The following GRB2 variants were observed in gnomAD, a reference collection of about 807,000 sequenced individuals.
GRB2 encodes growth factor receptor bound protein 2, also known as growth factor receptor-bound protein 2.
A neutral mutation model predicts 27.4 loss-of-function variants in GRB2; 2 were observed. That is an observed-to-expected ratio of 0.07 (90% CI 0.03 to 0.23). The LOEUF (loss-of-function observed/expected upper bound fraction) is 0.23. Ranked by LOEUF, GRB2 falls within the 10% of genes least tolerant of loss-of-function variation. The pLI is 1.00. For missense variants in GRB2, 102 were observed against 282.4 expected, an observed-to-expected ratio of 0.36 and a Z score of 4.58; for synonymous variants, 94 against 99.6, an observed-to-expected ratio of 0.94 and a Z score of 0.33.
intron 2 of GRB2, among the ~76,000 whole-genome samples, chr17:75,358,853 C>T (rs1020237273): frequency 3.8e-5 from 5 of 133,154 alleles, no homozygotes; most frequent in African/African-American, 1.4e-4. Flanking sequence ...CACTGCACTC[C>T]AGCATGGCGA....
rs1460644122 is a variant in GRB2 at position 75,320,305 on chromosome 17, G to T, written c.*63C>A. ...AGGCTGCTGTCAGAGGCAGCTTGTG[G>T]GTTTAATTCTTTTGTATGTGTTTTA... On this transcript the variant is annotated 3_prime_UTR_variant, in exon 6 of 6. Coordinates refer to ENST00000316804, the MANE Select transcript of GRB2 (RefSeq NM_002086.5). The surrounding 1 kb of genome is among the most constrained non-coding windows in gnomAD (Gnocchi z 4.3). 1 of 1,413,294 alleles carries T rather than the reference G, an allele frequency of 7.1e-7. No homozygotes were observed. Among genetic ancestry groups the T allele is most frequent in the South Asian group, 1.2e-5 (1 of 85,872 alleles). The allele number at this position is 1,413,294 out of a possible 1,614,324, so 87.5% of individuals were successfully genotyped here. A position where few individuals can be genotyped will look rare whatever the true frequency, so the allele number is the denominator to read the frequency against.
chr17:75,337,418 G>A (rs1049739910), intron 2 of GRB2, among the ~76,000 whole-genome samples: 1 of 151,786 alleles, frequency 6.6e-6, no homozygotes, highest in Non-Finnish European at 1.5e-5. Context: ...AAACAAAACA[G>A]CAAAGAACAC....
At chr17:75,388,976 C>T (rs1478383840) in intron 2 of GRB2, among the ~76,000 whole-genome samples, 3 of 151,960 alleles carry the variant, frequency 2.0e-5, no homozygotes, top group Non-Finnish European at 4.4e-5. Context: ...AAACCACTCC[C>T]CTCCTTCATT....
At chr17:75,350,187 C>G (rs1043073125) in intron 2 of GRB2, among the ~76,000 whole-genome samples, 5 of 149,732 alleles carry the variant, frequency 3.3e-5, no homozygotes, top group Non-Finnish European at 5.9e-5. Context: ...CTGTGAATAG[C>G]CACTGCACTC....
chr17:75,347,963 G>C (rs894281087), intron 2 of GRB2, among the ~76,000 whole-genome samples: 2 of 152,130 alleles, frequency 1.3e-5, no homozygotes, highest in Middle Eastern at 3.2e-3. Context: ...ATTTGTTATG[G>C]GGCAGAAAGT....
intron 2 of GRB2, among the ~76,000 whole-genome samples, chr17:75,334,987 G>A (rs2078567316): frequency 6.6e-6 from 1 of 151,630 alleles, no homozygotes; most frequent in Non-Finnish European, 1.5e-5. Context: ...TGAGTACCTG[G>A]GACTATAGGC....
chr17:75,373,505 A>C (rs1177828729), intron 2 of GRB2: 1 of 152,212 alleles, frequency 6.6e-6, no homozygotes, highest in Non-Finnish European at 1.5e-5. Flanking sequence ...AGTTGACAGT[A>C]AGCTTGGCTA....
chr17:75,331,542 T>C (rs889779125), intron 3 of GRB2, among the ~76,000 whole-genome samples: 2 of 152,234 alleles, frequency 1.3e-5, no homozygotes, highest in Non-Finnish European at 2.9e-5. Context: ...TATGATGTTC[T>C]GTTGAATTCC....
chr17:75,396,611 C>T lies in GRB2; in HGVS notation c.-137-2846G>A, dbSNP rs112332112. Among the ~76,000 whole-genome samples the T allele has an allele frequency of 3.9e-3, 597 of 152,228 alleles. 9 individuals carry two copies. The highest frequency in any genetic ancestry group is 0.014 in the African/African-American group (575 of 41,514). On this transcript the variant is annotated intron_variant, in intron 1 of 5. Transcript: ENST00000316804. ...TTTTAAGACCCAGGCTGGTCTCAAA[C>T]TCCTGGCCTCAAGCAATCTGCCTGC...
intron 2 of GRB2, among the ~76,000 whole-genome samples, chr17:75,343,346 T>C (rs1396348335): frequency 6.6e-6 from 1 of 152,164 alleles, no homozygotes; most frequent in African/African-American, 2.4e-5. Context: ...CTTGGATTTT[T>C]TGATTCACCC....
chr17:75,375,850 C>T (rs181191823), intron 2 of GRB2, among the ~76,000 whole-genome samples: 8 of 151,114 alleles, frequency 5.3e-5, no homozygotes, highest in African/African-American at 1.9e-4. Context: ...ACGGTGAAAC[C>T]CTGTATCTAC....
At chr17:75,350,013 G>A (rs528266568) in intron 2 of GRB2, among the ~76,000 whole-genome samples, 1 of 150,014 alleles carries the variant, frequency 6.7e-6, no homozygotes, top group East Asian at 2.0e-4. Context: ...ACCCAGTAAT[G>A]CCATTCTTAG....
At chr17:75,332,254 T>C (rs1392787599) in intron 3 of GRB2, among the ~76,000 whole-genome samples, 1 of 152,112 alleles carries the variant, frequency 6.6e-6, no homozygotes, top group Non-Finnish European at 1.5e-5. Flanking sequence ...AACACTAAGA[T>C]GGAGGGATAA....
rs1555608338 is a variant in GRB2, at chr17:75,324,507, G to GTCTTT, written c.299+1390_299+1391insAAAGA. On this transcript the variant is annotated intron_variant, in intron 4 of 5. Coordinates refer to ENST00000316804, the MANE Select transcript of GRB2 (RefSeq NM_002086.5). ...TTACAGGTGTGAGCCACCGCACCCA[G>GTCTTT]TTTTTTTTTTTTTTTTTTTTTTTTT... 5.4e-5 allele frequency among the ~76,000 whole-genome samples: 2 copies of GTCTTT among 36,704 alleles called. 1 individual carries two copies. The highest frequency in any genetic ancestry group is 1.1e-4 in the Non-Finnish European group (2 of 17,580). The allele number at this position is 36,704 out of a possible 152,430, so 24.1% of individuals were successfully genotyped here. A position where few individuals can be genotyped will look rare whatever the true frequency, so the allele number is the denominator to read the frequency against.
rs767527402 is a variant in GRB2, at chr17:75,319,489, C to G, written c.*879G>C. ...TGAGACGGAATCTCGCTCTGTCACCCAGGCTGGAGTACAATGGCACGGTCC... is the reference window on the plus strand; with the variant it reads ...TGAGACGGAATCTCGCTCTGTCACCGAGGCTGGAGTACAATGGCACGGTCC... On this transcript the variant is annotated 3_prime_UTR_variant, in exon 6 of 6. Transcript: ENST00000316804. 1.3e-4 allele frequency: 19 copies of G among 150,604 alleles called. No homozygotes were observed. The highest frequency in any genetic ancestry group is 1.1e-3 in the Admixed American group (17 of 15,092). The allele number at this position is 150,604 out of a possible 1,614,324, so 9.3% of individuals were successfully genotyped here.
At position 75,405,663 on chromosome 17, in the gene GRB2, G is replaced by C. The variant is rs1368180448; in HGVS notation, c.-312C>G. Reference sequence around the variant, plus strand: ...CTGCCGCCGCCCGGTCGCCGAAGCAGCAATACCTCCTGGCTTCCGCTCCCC... The same window carrying C: ...CTGCCGCCGCCCGGTCGCCGAAGCACCAATACCTCCTGGCTTCCGCTCCCC... On this transcript the variant is annotated 5_prime_UTR_variant, in exon 1 of 6. Transcript: ENST00000316804. The C allele has an allele frequency of 6.3e-6, 1 of 159,810 alleles. No homozygotes were observed. 9.9% of individuals were successfully genotyped at this position (159,810 alleles called of 1,614,324 possible). A position where few individuals can be genotyped will look rare whatever the true frequency, so the allele number is the denominator to read the frequency against.
intron 2 of GRB2, among the ~76,000 whole-genome samples, chr17:75,390,001 C>T (rs1043301001): frequency 6.6e-6 from 1 of 152,110 alleles, no homozygotes; most frequent in Non-Finnish European, 1.5e-5. Flanking sequence ...TCTTATATTT[C>T]TCTCCCAACT....
rs866783737 is a variant in GRB2 at position 75,318,970 on chromosome 17, C to G, written c.*1398G>C. ...GGGAGGGGGCGGGGGCCACAACCCC[C>G]GAGACGGTGAGGACAGGCTTCCGAC... is the stretch of plus-strand genomic sequence containing the variant. On this transcript the variant is annotated 3_prime_UTR_variant, in exon 6 of 6. Coordinates refer to ENST00000316804, the MANE Select transcript of GRB2 (RefSeq NM_002086.5). 6.6e-6 allele frequency: 1 copy of G among 152,552 alleles called. No individual in the cohort carries two copies. Among genetic ancestry groups the G allele is most frequent in the Non-Finnish European group, 1.5e-5 (1 of 68,078 alleles). 9.4% of individuals were successfully genotyped at this position (152,552 alleles called of 1,614,324 possible).
At chr17:75,331,881 T>C (rs1215415743) in intron 3 of GRB2, among the ~76,000 whole-genome samples, 3 of 152,076 alleles carry the variant, frequency 2.0e-5, no homozygotes, top group African/African-American at 7.2e-5. Context: ...CTGGGGAGGA[T>C]GTGCTGTGAT....
Sources: allele counts gnomAD v4.1 joint callset (sites outside exome capture counted in the v4.1 genomes callset), GRCh38; gene constraint gnomAD v4.1.1; non-coding constraint Gnocchi (gnomAD v3.1); transcripts MANE v1.5; gene names NCBI Gene and HGNC (gene_info 2026-07-23, HGNC 2026-07-21).